Variants in HPSE2 observed in about 807,000 individuals in gnomAD.
HPSE2 encodes inactive heparanase-2.
Under a neutral mutation model 60.5 loss-of-function variants are expected in HPSE2, and 38 were observed. That is an observed-to-expected ratio of 0.63 (90% CI 0.48 to 0.82). The LOEUF (loss-of-function observed/expected upper bound fraction) is 0.82, where lower values mean the gene tolerates loss of function less well. HPSE2 is among the 40% of genes least tolerant of loss of function. HPSE2 has a pLI of 0.00. For missense variants in HPSE2, 713 were observed against 740.4 expected, an observed-to-expected ratio of 0.96 and a Z score of 0.43; for synonymous variants, 295 against 293.2, an observed-to-expected ratio of 1.01 and a Z score of -0.06.
At chr10:99,114,838 C>T (rs376986512) in intron 3 of HPSE2, among the ~76,000 whole-genome samples, 7 of 145,752 alleles carry the variant, frequency 4.8e-5, no homozygotes, top group African/African-American at 1.0e-4. Flanking sequence ...GGCGTGAACC[C>T]GGGAGGCAGA....
intron 3 of HPSE2, among the ~76,000 whole-genome samples, chr10:98,828,905 C>T (rs1347402093): frequency 1.3e-5 from 2 of 151,998 alleles, no homozygotes; most frequent in Non-Finnish European, 2.9e-5. Context: ...TTTGTACACT[C>T]ATTTATAGTA....
At chr10:98,528,600 G>A (rs2133794047) in intron 9 of HPSE2, among the ~76,000 whole-genome samples, 1 of 152,250 alleles carries the variant, frequency 6.6e-6, no homozygotes, top group South Asian at 2.1e-4. Flanking sequence ...CACCCAATTA[G>A]TTATAATAAC....
At chr10:98,986,820 G>C (rs1417071558) in intron 3 of HPSE2, among the ~76,000 whole-genome samples, 1 of 151,790 alleles carries the variant, frequency 6.6e-6, no homozygotes, top group Non-Finnish European at 1.5e-5. Flanking sequence ...TATCACCACC[G>C]ATCCCACAGA....
intron 3 of HPSE2, among the ~76,000 whole-genome samples, chr10:98,782,057 TTAA>T (rs1398683299): frequency 1.6e-5 from 1 of 62,674 alleles, no homozygotes; most frequent in African/African-American, 7.2e-5. Flanking sequence ...AAAATGTTGA[TTAA>T]TGTGAAGTAG....
At chr10:99,235,997 TTC>T (rs1229577392), upstream of HPSE2, 2,570 of 491,660 alleles carry the variant, frequency 5.2e-3, 65 homozygotes, top group African/African-American at 0.041. Flanking sequence ...TTTTGTTTTT[TTC>T]TTTTTTTTTT....
chr10:99,012,382 T>C lies in HPSE2; in HGVS notation c.610+131856A>G, dbSNP rs144168101. Among the ~76,000 whole-genome samples the C allele has an allele frequency of 2.8e-3, 424 of 152,170 alleles. 1 individual carries two copies. The highest frequency in any genetic ancestry group is 9.8e-3 in the African/African-American group (409 of 41,542). ...TTGAATTATGTTTCCATCTGTGTGA[T>C]TGGTCAACAACAAAAAATAGATACA... On this transcript the variant is annotated intron_variant, in intron 3 of 11. Transcript: ENST00000370552.
the HPSE2 span, among the ~76,000 whole-genome samples, chr10:99,280,004 T>C: frequency 6.6e-6 from 1 of 152,102 alleles, no homozygotes; most frequent in South Asian, 2.1e-4. Flanking sequence ...AAAAATGAGA[T>C]AGAGTGGGGC....
chr10:98,878,129 G>A (rs532220676), intron 3 of HPSE2, among the ~76,000 whole-genome samples: 14 of 151,680 alleles, frequency 9.2e-5, no homozygotes, highest in South Asian at 8.4e-4. Flanking sequence ...TATACAAGAC[G>A]TTTCAAATCT....
At chr10:98,814,929 G>C (rs901403489) in intron 3 of HPSE2, among the ~76,000 whole-genome samples, 2 of 152,158 alleles carry the variant, frequency 1.3e-5, no homozygotes, top group East Asian at 1.9e-4. Flanking sequence ...GAAGAGTCAG[G>C]CTGTATCAGA....
chr10:98,564,772 A>C (rs1944291553), intron 9 of HPSE2, among the ~76,000 whole-genome samples: 1 of 152,222 alleles, frequency 6.6e-6, no homozygotes, highest in Non-Finnish European at 1.5e-5. Context: ...TCTCAGCCAG[A>C]TGGCCATGTT....
rs113298125 is a variant in HPSE2 at position 98,548,430 on chromosome 10, A to T, written c.1321-58234T>A. Among the ~76,000 whole-genome samples, 1,112 of 152,260 alleles carry T rather than the reference A, an allele frequency of 7.3e-3. 12 individuals carry two copies. Among genetic ancestry groups the T allele is most frequent in the African/African-American group, 0.023 (948 of 41,516 alleles). On this transcript the variant is annotated intron_variant, in intron 9 of 11. Transcript: ENST00000370552. ...TCAGGAGTTCAAGACCAGTGTGGCCAACATAGTGAAACCCAGTCTCTACTA... is the reference window on the plus strand; with the variant it reads ...TCAGGAGTTCAAGACCAGTGTGGCCTACATAGTGAAACCCAGTCTCTACTA...
chr10:98,800,671 C>A (rs1192177317), intron 3 of HPSE2, among the ~76,000 whole-genome samples: 4 of 151,490 alleles, frequency 2.6e-5, no homozygotes, highest in African/African-American at 9.7e-5. Context: ...CAAGATTGAA[C>A]CATGAAGAAA....
intron 11 of HPSE2, among the ~76,000 whole-genome samples, chr10:98,471,028 T>C (rs772857885): frequency 6.6e-6 from 1 of 152,218 alleles, no homozygotes; most frequent in Non-Finnish European, 1.5e-5. Flanking sequence ...ACATTAGTAA[T>C]CTGGGAGTTA....
chr10:98,956,758 G>A (rs1387863020), intron 3 of HPSE2, among the ~76,000 whole-genome samples: 7 of 151,610 alleles, frequency 4.6e-5, no homozygotes, highest in Admixed American at 6.6e-5. Flanking sequence ...TGCAAGGGAC[G>A]TTGGAAAATA....
chr10:98,683,951 G>C (rs1947848837), intron 6 of HPSE2, among the ~76,000 whole-genome samples: 2 of 152,156 alleles, frequency 1.3e-5, no homozygotes, highest in South Asian at 4.1e-4. Context: ...AATTTTAAAA[G>C]GTACTGGATT....
intron 3 of HPSE2, among the ~76,000 whole-genome samples, chr10:99,072,979 A>G (rs1052864311): frequency 2.0e-5 from 3 of 148,870 alleles, no homozygotes; most frequent in Non-Finnish European, 4.4e-5. Context: ...GAAACAACAG[A>G]TGCTGGAGAG....
At chr10:98,737,162 C>T (rs140167416) in intron 4 of HPSE2, among the ~76,000 whole-genome samples, 105 of 152,196 alleles carry the variant, frequency 6.9e-4, no homozygotes, top group Non-Finnish European at 1.2e-3. Context: ...GACCTACCCT[C>T]ATAAATAATT....
chr10:98,660,878 C>T (rs1408982562), intron 6 of HPSE2, among the ~76,000 whole-genome samples: 2 of 152,194 alleles, frequency 1.3e-5, no homozygotes, highest in South Asian at 2.1e-4. Context: ...TTTTCATCTA[C>T]ACTCTCAGTG....
chr10:98,659,947 C>T (rs1947180427), intron 6 of HPSE2, among the ~76,000 whole-genome samples: 1 of 152,190 alleles, frequency 6.6e-6, no homozygotes, highest in Non-Finnish European at 1.5e-5. Context: ...GTATTGCTAA[C>T]TTCACTGAGT....
Sources: allele counts gnomAD v4.1 joint callset (sites outside exome capture counted in the v4.1 genomes callset), GRCh38; gene constraint gnomAD v4.1.1; transcripts MANE v1.5; gene names NCBI Gene and HGNC (gene_info 2026-07-23, HGNC 2026-07-21).